Variants in CRHR2 observed in about 807,000 individuals in gnomAD.
The protein encoded by CRHR2 is corticotropin releasing hormone receptor 2, also known as corticotropin-releasing hormone receptor 2.
In CRHR2, 53 loss-of-function variants were observed where a neutral mutation model predicts 57.9. The observed-to-expected ratio is 0.92, with a 90% CI of 0.73 to 1.15. CRHR2 has a LOEUF of 1.15. Among genes scored for constraint, CRHR2 ranks in the 50% most tolerant of loss-of-function variants. CRHR2 has a pLI of 0.00. For synonymous variants in CRHR2, 213 were observed against 220.9 expected (o/e 0.96, Z 0.32); for missense variants, 532 against 542.6 (o/e 0.98, Z 0.19).
At chr7:30,661,505 C>A (rs542264298) in intron 7 of CRHR2, among the ~76,000 whole-genome samples, 5 of 152,316 alleles carry the variant, frequency 3.3e-5, no homozygotes, top group Admixed American at 6.5e-5. Context: ...TTCTTGCCCC[C>A]ACTCTGAGAA....
intron 3 of CRHR2, among the ~76,000 whole-genome samples, chr7:30,666,294 G>A (rs1279822051): frequency 6.6e-6 from 1 of 152,182 alleles, no homozygotes; most frequent in Non-Finnish European, 1.5e-5. Context: ...GACCACACGA[G>A]GGGGTGCACT....
At chr7:30,678,484 T>C (rs907031785) in intron 2 of CRHR2, among the ~76,000 whole-genome samples, 2 of 152,222 alleles carry the variant, frequency 1.3e-5, no homozygotes, top group Admixed American at 6.5e-5. Flanking sequence ...TGTGTGGCCA[T>C]GCGCTAGTCC....
intron 1 of CRHR2, among the ~76,000 whole-genome samples, chr7:30,695,088 A>G (rs1209782245): frequency 7.7e-6 from 1 of 129,928 alleles, no homozygotes; most frequent in Non-Finnish European, 1.6e-5. Context: ...GGACATGAGG[A>G]AGGAGGGGGA....
intron 8 of CRHR2, among the ~76,000 whole-genome samples, chr7:30,657,567 C>T (rs1034290608): frequency 6.6e-5 from 10 of 152,192 alleles, no homozygotes; most frequent in Non-Finnish European, 1.5e-4. Flanking sequence ...CTGATTCTTC[C>T]GGACTTCCCT....
chr7:30,669,151 T>A (rs1784280128), intron 2 of CRHR2, among the ~76,000 whole-genome samples: 1 of 152,210 alleles, frequency 6.6e-6, no homozygotes, highest in South Asian at 2.1e-4. Flanking sequence ...ATCCTGCCTG[T>A]GCTTCAAAGG....
In CRHR2 at chr7:30,672,608, A is replaced by C. The variant is rs557642682; in HGVS notation, c.230-5295T>G. 1.3e-5 allele frequency among the ~76,000 whole-genome samples: 2 copies of C among 152,336 alleles called. 1 individual carries two copies. Among genetic ancestry groups the C allele is most frequent in the African/African-American group, 4.8e-5 (2 of 41,570 alleles). On this transcript the variant is annotated intron_variant, in intron 2 of 11. Transcript: ENST00000471646. ...ATACAAAACAGTCACACATACATGCAGGAGGAAGCAAGGTCTCACACAAAG... is the reference window on the plus strand; with the variant it reads ...ATACAAAACAGTCACACATACATGCCGGAGGAAGCAAGGTCTCACACAAAG...
At chr7:30,666,890 C>A (rs145300943) in intron 3 of CRHR2, among the ~76,000 whole-genome samples, 3 of 152,356 alleles carry the variant, frequency 2.0e-5, no homozygotes, top group Non-Finnish European at 4.4e-5. Context: ...GATGGGGAAA[C>A]TGAGGCCCAG....
chr7:30,691,790 T>C (rs1402965909), intron 1 of CRHR2, among the ~76,000 whole-genome samples: 1 of 152,210 alleles, frequency 6.6e-6, no homozygotes, highest in African/African-American at 2.4e-5. Context: ...TGGATTTGAC[T>C]CAGTCCGAAG....
rs114883212 is a variant in CRHR2 at position 30,681,025 on chromosome 7, C to T, written c.229+890G>A. 4.8e-3 allele frequency among the ~76,000 whole-genome samples: 723 copies of T among 152,154 alleles called. 5 individuals are homozygous for T. The highest frequency in any genetic ancestry group is 0.016 in the African/African-American group (675 of 41,486). ...TCTAGGTGGGGCAGTGATTGCTGCC[C>T]CCACAGCCTCCCGCAGACCACACAC... is the stretch of plus-strand genomic sequence containing the variant. On this transcript the variant is annotated intron_variant, in intron 2 of 11. Transcript: ENST00000471646.
At chr7:30,699,698 C>T (rs1197440734) in intron 1 of CRHR2, 1 of 218,132 alleles carries the variant, frequency 4.6e-6, no homozygotes, top group South Asian at 5.1e-5. Flanking sequence ...TCTTCCCTTC[C>T]CCTGCCCCCT....
chr7:30,679,886 C>A (rs1784642921), intron 2 of CRHR2, among the ~76,000 whole-genome samples: 1 of 152,144 alleles, frequency 6.6e-6, no homozygotes, highest in Non-Finnish European at 1.5e-5. Flanking sequence ...CCTAGGCTGA[C>A]CTCACACCCC....
chr7:30,696,929 C>T (rs1177132184), intron 1 of CRHR2, among the ~76,000 whole-genome samples: 2 of 151,894 alleles, frequency 1.3e-5, no homozygotes, highest in South Asian at 2.1e-4. Flanking sequence ...GTAGCCATTG[C>T]CCTCAGACAG....
Position 30,655,663 on chromosome 7 carries a change from T to G in CRHR2, c.970A>C (p.Met324Leu), listed in dbSNP as rs777707822. ...VLLPLLGITY[M>L]LFFVNPGEDD... ...TCCCCGGGATTGACGAAGAAGAGCATGTAGGTGATGCCCAGGAGGGGCAGG... is the reference window on the plus strand; with the variant it reads ...TCCCCGGGATTGACGAAGAAGAGCAGGTAGGTGATGCCCAGGAGGGGCAGG... Residue 324 changes from methionine (M) to leucine (L), a missense_variant, in exon 10 of 12, where the codon ATG (methionine) becomes CTG (leucine). Transcript: ENST00000471646. 2 of 1,614,090 alleles carry G rather than the reference T, an allele frequency of 1.2e-6. No individual in the cohort carries two copies. The highest frequency in any genetic ancestry group is 2.2e-5 in the South Asian group (2 of 91,076).
upstream of CRHR2, among the ~76,000 whole-genome samples, chr7:30,687,156 G>A (rs773442333): frequency 1.8e-4 from 27 of 151,932 alleles, no homozygotes; most frequent in Non-Finnish European, 3.8e-4. Flanking sequence ...TGAACTCTGC[G>A]TTAGACATGA....
chr7:30,695,779 G>A (rs1785044848), intron 1 of CRHR2, among the ~76,000 whole-genome samples: 1 of 152,164 alleles, frequency 6.6e-6, no homozygotes, highest in South Asian at 2.1e-4. Flanking sequence ...TTTTGTTAAA[G>A]GAAAGGAATC....
At chr7:30,678,607 C>G (rs1487910931) in intron 2 of CRHR2, among the ~76,000 whole-genome samples, 1 of 152,112 alleles carries the variant, frequency 6.6e-6, no homozygotes, top group African/African-American at 2.4e-5. Context: ...ACCCCACATC[C>G]TGAGGACTTC....
chr7:30,671,747 T>C (rs1784359813), intron 2 of CRHR2, among the ~76,000 whole-genome samples: 1 of 150,808 alleles, frequency 6.6e-6, no homozygotes, highest in Non-Finnish European at 1.5e-5. Context: ...GCAGAGGTTG[T>C]GGTGAGCTGA....
At chr7:30,655,411 T>A (rs1783744881) in intron 10 of CRHR2, among the ~76,000 whole-genome samples, 169 bp downstream of exon 10, 1 of 152,138 alleles carries the variant, frequency 6.6e-6, no homozygotes, top group Admixed American at 6.5e-5. Flanking sequence ...CAGGCTGGGA[T>A]GGGGATAACT....
intron 8 of CRHR2, among the ~76,000 whole-genome samples, chr7:30,658,409 C>T (rs986410374): frequency 2.0e-5 from 3 of 152,106 alleles, no homozygotes; most frequent in Non-Finnish European, 4.4e-5. Context: ...CCCCTGCTTG[C>T]AGAGGGCTTG....
Sources: allele counts gnomAD v4.1 joint callset (sites outside exome capture counted in the v4.1 genomes callset), GRCh38; gene constraint gnomAD v4.1.1; transcripts MANE v1.5; gene names NCBI Gene and HGNC (gene_info 2026-07-23, HGNC 2026-07-21).